The following MED15 variants were observed in gnomAD, a reference collection of about 807,000 sequenced individuals.
The protein encoded by MED15 is mediator of RNA polymerase II transcription subunit 15.
MED15 carries 41 observed loss-of-function variants against 118.7 expected under a neutral mutation model. The ratio of observed to expected loss-of-function variants is 0.35; its 90% CI spans 0.27 to 0.45. MED15 has a LOEUF of 0.45. Ranked by LOEUF, MED15 falls within the 20% of genes least tolerant of loss-of-function variation. The pLI is 1.00. For synonymous variants in MED15, 436 were observed against 413.9 expected (o/e 1.05, Z -0.65); for missense variants, 740 against 1,025.5 (o/e 0.72, Z 3.80).
At chr22:20,572,881 C>A (rs2056709978) in intron 8 of MED15, among the ~76,000 whole-genome samples, 1 of 152,054 alleles carries the variant, frequency 6.6e-6, no homozygotes, top group South Asian at 2.1e-4. Context: ...GCTGTGATGA[C>A]AGCATTACAC....
intron 1 of MED15, among the ~76,000 whole-genome samples, chr22:20,530,829 G>C (rs2054832344): frequency 6.6e-6 from 1 of 152,184 alleles, no homozygotes; most frequent in South Asian, 2.1e-4. Flanking sequence ...GGGTGGCTCT[G>C]CCTGAGGGAG....
At chr22:20,583,760 C>A in intron 13 of MED15, 1 of 282,374 alleles carries the variant, frequency 3.5e-6, no homozygotes, top group Non-Finnish European at 6.9e-6. Flanking sequence ...CATGGGCAGG[C>A]GACTGCATCT....
chr22:20,551,950 T>C (rs1432942227), intron 3 of MED15, among the ~76,000 whole-genome samples: 6 of 152,210 alleles, frequency 3.9e-5, no homozygotes, highest in Non-Finnish European at 8.8e-5. Flanking sequence ...CCTGCTGTGC[T>C]GAGGGCCCCC....
At chr22:20,557,923 G>A (rs1379779696) in intron 5 of MED15, among the ~76,000 whole-genome samples, 1 of 152,140 alleles carries the variant, frequency 6.6e-6, no homozygotes, top group African/African-American at 2.4e-5. Context: ...TGGCTAACAC[G>A]GTGAGACCCC....
intron 5 of MED15, 92 bp downstream of exon 5, chr22:20,555,240 T>A (rs1410498599): frequency 7.9e-7 from 1 of 1,273,850 alleles, no homozygotes; most frequent in African/African-American, 1.5e-5. Flanking sequence ...AAGAAAAGCA[T>A]GGAGAAGCTC....
At chr22:20,513,031 C>T (rs1385022734) in intron 1 of MED15, among the ~76,000 whole-genome samples, 2 of 152,008 alleles carry the variant, frequency 1.3e-5, no homozygotes, top group Non-Finnish European at 2.9e-5. Flanking sequence ...TGAGCCACCA[C>T]GCCCGGCCGG....
rs556636582 is a variant in MED15, at chr22:20,581,349, A to G, written c.1273-1262A>G. Among the ~76,000 whole-genome samples the G allele has an allele frequency of 2.0e-4, 31 of 152,206 alleles. 1 individual carries two copies. Among genetic ancestry groups the G allele is most frequent in the African/African-American group, 7.0e-4 (29 of 41,540 alleles). Reference sequence around the variant, plus strand: ...TTGTGGGCTCTGGGCCTGGTCCCCAATTTAAGGAGCTTAGAAAGCAGCTGT... The same window carrying G: ...TTGTGGGCTCTGGGCCTGGTCCCCAGTTTAAGGAGCTTAGAAAGCAGCTGT... On this transcript the variant is annotated intron_variant, in intron 9 of 17. Coordinates refer to ENST00000263205, the MANE Select transcript of MED15 (RefSeq NM_001003891.3).
At chr22:20,574,323 C>G (rs530807617) in intron 8 of MED15, 1 of 152,322 alleles carries the variant, frequency 6.6e-6, no homozygotes, top group African/African-American at 2.4e-5. Context: ...CAAGAGTGGT[C>G]GGGCCCGGGC....
chr22:20,551,381 C>A, intron 2 of MED15, 55 bp from the exon 3 acceptor site: 1 of 1,527,494 alleles, frequency 6.5e-7, no homozygotes, highest in South Asian at 1.1e-5. Context: ...AAGGGGGAGT[C>A]CGATGACTGC....
rs2055779057 is a variant in MED15, at chr22:20,551,605, C to G, written c.208+118C>G. ...TGCCTGAGTCAGAAGGTCTGTGTCA[C>G]CTCACTTGCTTCTGGGAAGTTCTTC... On this transcript the variant is annotated intron_variant, in intron 3 of 17. Coordinates refer to ENST00000263205, the MANE Select transcript of MED15 (RefSeq NM_001003891.3). 3.4e-5 allele frequency: 32 copies of G among 941,800 alleles called. 2 individuals carry two copies. In the South Asian group the frequency reaches 4.2e-4, roughly 12 times the overall value. The allele number at this position is 941,800 out of a possible 1,614,324, so 58.3% of individuals were successfully genotyped here. A position where few individuals can be genotyped will look rare whatever the true frequency, so the allele number is the denominator to read the frequency against.
chr22:20,528,663 G>A (rs1161075045), intron 1 of MED15, among the ~76,000 whole-genome samples: 1 of 152,192 alleles, frequency 6.6e-6, no homozygotes, highest in African/African-American at 2.4e-5. Context: ...GGCTGTGGGT[G>A]AAGACCTGGC....
chr22:20,560,535 T>C (rs1475709360), intron 5 of MED15, among the ~76,000 whole-genome samples: 5 of 152,198 alleles, frequency 3.3e-5, no homozygotes, highest in African/African-American at 4.8e-5. Flanking sequence ...AGTGCTGGGA[T>C]TACAGGCATG....
chr22:20,536,780 G>T (rs1343188364), intron 1 of MED15, among the ~76,000 whole-genome samples: 1 of 152,218 alleles, frequency 6.6e-6, no homozygotes. Flanking sequence ...TGGCCACCCA[G>T]TAGTCTAATG....
At chr22:20,557,119 A>G (rs937187504) in intron 5 of MED15, among the ~76,000 whole-genome samples, 2 of 152,138 alleles carry the variant, frequency 1.3e-5, no homozygotes, top group Non-Finnish European at 2.9e-5. Flanking sequence ...CACATCCCTC[A>G]TGATAACCCT....
intron 1 of MED15, chr22:20,522,118 C>T (rs780094812): frequency 6.6e-6 from 1 of 152,094 alleles, no homozygotes; most frequent in Non-Finnish European, 1.5e-5. Flanking sequence ...GGTGTTAGTT[C>T]CAGATGTTGG....
At chr22:20,537,256 G>A (rs1451407111) in intron 2 of MED15, 52 bp downstream of exon 2, 29 of 1,535,602 alleles carry the variant, frequency 1.9e-5, no homozygotes, top group Non-Finnish European at 2.5e-5. Flanking sequence ...GGAGAGGAGA[G>A]CATCACAGAC....
intron 1 of MED15, among the ~76,000 whole-genome samples, chr22:20,526,039 G>A (rs2054634097): frequency 6.6e-6 from 1 of 151,104 alleles, no homozygotes; most frequent in African/African-American, 2.4e-5. Flanking sequence ...TCCCACCTCA[G>A]CCCCCGAGTT....
intron 5 of MED15, among the ~76,000 whole-genome samples, chr22:20,556,702 T>C (rs1027862112): frequency 1.3e-5 from 2 of 152,274 alleles, no homozygotes; most frequent in East Asian, 1.9e-4. Context: ...ATCACCACAA[T>C]TGGCATGCGG....
At chr22:20,575,357 A>C in intron 9 of MED15, 125 bp downstream of exon 9, 7 of 1,250,270 alleles carry the variant, frequency 5.6e-6, no homozygotes, top group South Asian at 1.7e-5. Context: ...AGAGTGCCAA[A>C]CCCACAGTCC....
Sources: gnomAD v4.1 joint callset for allele counts (sites outside exome capture counted in the v4.1 genomes callset) on GRCh38, gnomAD v4.1.1 for gene constraint, MANE v1.5 for transcripts, NCBI Gene and HGNC (gene_info 2026-07-23, HGNC 2026-07-21) for gene names.